The following RRM2 variants were observed in gnomAD, a reference collection of about 807,000 sequenced individuals.
RRM2 encodes the protein ribonucleoside-diphosphate reductase subunit M2.
A neutral mutation model predicts 45.9 loss-of-function variants in RRM2; 6 were observed. The observed-to-expected ratio is 0.13, with a 90% confidence interval of 0.07 to 0.26. The LOEUF is 0.26. Ranked by LOEUF, RRM2 falls within the 10% of genes least tolerant of loss-of-function variation. The probability of loss-of-function intolerance (pLI) is 1.00; values close to 1 mark genes in which losing one functional copy is unlikely to be tolerated. For synonymous variants in RRM2, 177 were observed against 173.0 expected (o/e 1.02, Z -0.18); for missense variants, 343 against 489.5 (o/e 0.70, Z 2.82).
chr2:10,141,744 C>A, intron 1 of RRM2: 1 of 1,468,520 alleles, frequency 6.8e-7, no homozygotes, highest in Non-Finnish European at 9.2e-7. Context: ...CTGTTCCAAG[C>A]ACGGGAAACA....
chr2:10,159,158 T>C (rs958432276), intron 3 of RRM2, among the ~76,000 whole-genome samples: 15 of 152,174 alleles, frequency 9.9e-5, no homozygotes, highest in Non-Finnish European at 1.8e-4. Context: ...AAAGGGGCTG[T>C]ATCCCTAAAT....
chr2:10,184,091 T>TAAAAAAAAA lies in RRM2; in HGVS notation n.483-26199_483-26191dup, dbSNP rs60421650. Reference sequence around the variant, plus strand: ...CTGGGTGACAGAGCGAGACTCCATCTAAAAAAAAAAAAAAAAAAAAAAAAA... The same window carrying TAAAAAAAAA: ...CTGGGTGACAGAGCGAGACTCCATCTAAAAAAAAAAAAAAAAAAAAAAAAAAAAAAAAAA... On this transcript the variant is annotated intron_variant and non_coding_transcript_variant, in intron 3 of 3. Transcript: ENST00000381786. Among the ~76,000 whole-genome samples, 75 of 30,658 alleles carry TAAAAAAAAA rather than the reference T, an allele frequency of 2.4e-3. 5 individuals are homozygous for TAAAAAAAAA. Among genetic ancestry groups the TAAAAAAAAA allele is most frequent in the East Asian group, 4.0e-3 (3 of 754 alleles). 20.1% of individuals were successfully genotyped at this position (30,658 alleles called of 152,430 possible). A position where few individuals can be genotyped will look rare whatever the true frequency, so the allele number is the denominator to read the frequency against.
chr2:10,153,118 G>C (rs577912790), intron 3 of RRM2, among the ~76,000 whole-genome samples: 23 of 152,206 alleles, frequency 1.5e-4, no homozygotes, highest in African/African-American at 5.3e-4. Context: ...AATCACTTGA[G>C]GTCAGGAGTT....
intron 3 of RRM2, among the ~76,000 whole-genome samples, chr2:10,146,423 T>G (rs911857636): frequency 1.3e-5 from 2 of 152,220 alleles, no homozygotes; most frequent in African/African-American, 4.8e-5. Flanking sequence ...CATGTGCAGC[T>G]AGGGTGGGGC....
intron 3 of RRM2, among the ~76,000 whole-genome samples, chr2:10,167,514 G>GC (rs1663708470): frequency 6.6e-6 from 1 of 152,160 alleles, no homozygotes; most frequent in Non-Finnish European, 1.5e-5. Context: ...TGCACGCTGC[G>GC]CCCTGCCTTG....
intron 7 of RRM2, among the ~76,000 whole-genome samples, chr2:10,128,213 C>G (rs1265115967): frequency 6.6e-6 from 1 of 152,116 alleles, no homozygotes; most frequent in Non-Finnish European, 1.5e-5. Flanking sequence ...GAAATTGCCC[C>G]TCTACTTCAA....
chr2:10,133,859 G>A (rs577480384), downstream of RRM2, among the ~76,000 whole-genome samples: 34 of 152,200 alleles, frequency 2.2e-4, no homozygotes, highest in African/African-American at 8.2e-4. Flanking sequence ...TCAAACACCT[G>A]CCCATGATAA....
intron 3 of RRM2, among the ~76,000 whole-genome samples, chr2:10,159,820 G>A (rs2125318214): frequency 6.6e-6 from 1 of 152,304 alleles, no homozygotes; most frequent in South Asian, 2.1e-4. Flanking sequence ...CTGGCTTGAA[G>A]GAGCCCTGGG....
chr2:10,174,217 G>T (rs1050688450), intron 3 of RRM2, among the ~76,000 whole-genome samples: 1 of 152,214 alleles, frequency 6.6e-6, no homozygotes, highest in Non-Finnish European at 1.5e-5. Flanking sequence ...CTTGACCTTG[G>T]ACTTCTAGTC....
In RRM2 at chr2:10,203,760, A is replaced by AATACATACATACATAC. The variant is rs3034307; in HGVS notation, n.483-6540_483-6525dup. ...AGTGAGACTCTGTCTCACAAAAATAAATACATACATACATACATACATACA... is the reference window on the plus strand; with the variant it reads ...AGTGAGACTCTGTCTCACAAAAATAAATACATACATACATACATACATACATACATACATACATACA... On this transcript the variant is annotated intron_variant and non_coding_transcript_variant, in intron 3 of 3. Transcript: ENST00000381786. Among the ~76,000 whole-genome samples, 21 of 150,146 alleles carry AATACATACATACATAC rather than the reference A, an allele frequency of 1.4e-4. No individual in the cohort carries two copies. In the South Asian group the frequency reaches 1.7e-3, roughly 12 times the overall value.
chr2:10,180,220 G>T (rs188185080), intron 3 of RRM2, among the ~76,000 whole-genome samples: 1 of 152,250 alleles, frequency 6.6e-6, no homozygotes, highest in Non-Finnish European at 1.5e-5. Context: ...AGTCCTGAGA[G>T]AACCTCTTCG....
At chr2:10,191,009 A>G (rs1313844442) in intron 3 of RRM2, among the ~76,000 whole-genome samples, 1 of 152,208 alleles carries the variant, frequency 6.6e-6, no homozygotes, top group African/African-American at 2.4e-5. Context: ...AATTCTAATT[A>G]TGACATTTTC....
chr2:10,135,508 G>T (rs1054209848), downstream of RRM2, among the ~76,000 whole-genome samples: 2 of 152,086 alleles, frequency 1.3e-5, no homozygotes, highest in African/African-American at 4.8e-5. Flanking sequence ...GCATGCGTGC[G>T]GGTGTGGGAT....
chr2:10,205,789 T>TCAAGTGATTCTCCTGCCTC lies in RRM2; in HGVS notation n.483-4521_483-4503dup, dbSNP rs1664651356. On this transcript the variant is annotated intron_variant and non_coding_transcript_variant, in intron 3 of 3. Coordinates refer to the RRM2 transcript ENST00000381786. This position sits in a 1 kb window ranked among gnomAD's most constrained non-coding sequence, Gnocchi z 4.8. ...TCACTGCAACCTCTGCCTCCTGGTT[T>TCAAGTGATTCTCCTGCCTC]CAAGTGATTCTCCTGCCTCAGCCTC... is the stretch of plus-strand genomic sequence containing the variant. Among the ~76,000 whole-genome samples the TCAAGTGATTCTCCTGCCTC allele has an allele frequency of 6.6e-6, 1 of 152,120 alleles. No homozygotes were observed. Among genetic ancestry groups the TCAAGTGATTCTCCTGCCTC allele is most frequent in the African/African-American group, 2.4e-5 (1 of 41,458 alleles).
chr2:10,157,933 T>A (rs1403970329), intron 3 of RRM2, among the ~76,000 whole-genome samples: 1 of 152,196 alleles, frequency 6.6e-6, no homozygotes, highest in Non-Finnish European at 1.5e-5. Flanking sequence ...GCATCACAGC[T>A]GGCCTATTTA....
At chr2:10,138,703 A>G (rs532474597), upstream of RRM2, among the ~76,000 whole-genome samples, 1 of 152,366 alleles carries the variant, frequency 6.6e-6, no homozygotes, top group East Asian at 1.9e-4. Flanking sequence ...CAGTTTCCAC[A>G]TCGTGAACTA....
At chr2:10,200,981 T>G (rs1262052525) in intron 3 of RRM2, among the ~76,000 whole-genome samples, 1 of 151,894 alleles carries the variant, frequency 6.6e-6, no homozygotes, top group Non-Finnish European at 1.5e-5. Flanking sequence ...ACCCTGTCTG[T>G]ACTAAAAAAC....
intron 3 of RRM2, among the ~76,000 whole-genome samples, chr2:10,151,776 C>T (rs1663316896): frequency 6.6e-6 from 1 of 152,158 alleles, no homozygotes; most frequent in Non-Finnish European, 1.5e-5. Flanking sequence ...CTTGGCATGG[C>T]CAATCTTTTA....
intron 3 of RRM2, among the ~76,000 whole-genome samples, chr2:10,176,381 G>A (rs942227934): frequency 5.9e-5 from 9 of 152,218 alleles, no homozygotes; most frequent in African/African-American, 2.2e-4. Flanking sequence ...TGATTCTCCT[G>A]CCTCAGCCTC....
Sources: allele counts gnomAD v4.1 joint callset (sites outside exome capture counted in the v4.1 genomes callset), GRCh38; gene constraint gnomAD v4.1.1; non-coding constraint Gnocchi (gnomAD v3.1); transcripts MANE v1.5; gene names NCBI Gene and HGNC (gene_info 2026-07-23, HGNC 2026-07-21).